The following SGSM1 variants were observed in gnomAD, a reference collection of about 807,000 sequenced individuals.
The protein encoded by SGSM1 is small G protein signaling modulator 1.
In SGSM1, 73 loss-of-function variants were observed where a neutral mutation model predicts 133.8. The observed-to-expected ratio is 0.55, with a 90% CI of 0.45 to 0.66. The LOEUF is 0.66. Among genes scored for constraint, SGSM1 ranks in the 30% least tolerant of loss-of-function variants. The probability of loss-of-function intolerance (pLI) is 0.00; values close to 1 mark genes in which losing one functional copy is unlikely to be tolerated. For missense variants in SGSM1, 1,213 were observed against 1,448.1 expected (o/e 0.84, Z 2.64); for synonymous variants, 563 against 573.0 (o/e 0.98, Z 0.25).
intron 3 of SGSM1, among the ~76,000 whole-genome samples, chr22:24,846,109 G>A (rs1337828508): frequency 6.9e-6 from 1 of 145,572 alleles, no homozygotes; most frequent in African/African-American, 2.6e-5. Context: ...CACAATCACA[G>A]CTCACTGCAG....
chr22:24,900,858 C>T (rs939280630), intron 19 of SGSM1, among the ~76,000 whole-genome samples: 4 of 152,144 alleles, frequency 2.6e-5, no homozygotes, highest in Non-Finnish European at 5.9e-5. Context: ...TGAACATGAG[C>T]TCATATTTCT....
rs73407233 is a variant in SGSM1 at position 24,829,860 on chromosome 22, C to T, written c.64-15037C>T. Among the ~76,000 whole-genome samples the T allele has an allele frequency of 8.4e-3, 1,276 of 152,312 alleles. 17 individuals carry two copies. The highest frequency in any genetic ancestry group is 0.029 in the African/African-American group (1,195 of 41,562). Reference sequence around the variant, plus strand: ...GTTCCTACACACAGGCCACAGTGATCCCAGACCACCACTGCCCCTGGACCA... The same window carrying T: ...GTTCCTACACACAGGCCACAGTGATTCCAGACCACCACTGCCCCTGGACCA... On this transcript the variant is annotated intron_variant, in intron 2 of 24. Transcript: ENST00000400358.
At chr22:24,855,917 CCATCCATCCACCCATCTTTA>C in intron 8 of SGSM1, 1 of 687,582 alleles carries the variant, frequency 1.5e-6, no homozygotes, top group Non-Finnish European at 2.6e-6. Context: ...TCACAACCAT[CCATCCATCCACCCATCTTTA>C]CATCCATCTA....
chr22:24,858,654 A>AAAAAAAAAAAG (rs1268815477), intron 8 of SGSM1, among the ~76,000 whole-genome samples: 3 of 142,720 alleles, frequency 2.1e-5, no homozygotes, highest in Non-Finnish European at 3.0e-5. Flanking sequence ...AAAAAAAAAA[A>AAAAAAAAAAAG]AAGAAGAAAG....
intron 16 of SGSM1, among the ~76,000 whole-genome samples, chr22:24,889,650 A>G (rs916440686): frequency 3.5e-5 from 5 of 144,890 alleles, no homozygotes; most frequent in African/African-American, 7.8e-5. Context: ...CTGGCCTTAA[A>G]TTGATTTTTT....
At chr22:24,853,693 G>A (rs1287654172) in intron 5 of SGSM1, among the ~76,000 whole-genome samples, 3 of 151,048 alleles carry the variant, frequency 2.0e-5, no homozygotes, top group African/African-American at 4.9e-5. Context: ...TGCAAGCTCC[G>A]CCTCCCAGGT....
intron 2 of SGSM1, among the ~76,000 whole-genome samples, chr22:24,808,787 G>A (rs138086961): frequency 2.0e-5 from 3 of 152,284 alleles, no homozygotes; most frequent in East Asian, 3.9e-4. Flanking sequence ...GGTCTGACCC[G>A]TGTCAGTCTA....
intron 21 of SGSM1, among the ~76,000 whole-genome samples, chr22:24,906,830 A>G (rs556831991): frequency 6.6e-6 from 1 of 152,244 alleles, no homozygotes; most frequent in Non-Finnish European, 1.5e-5. Context: ...GCATGCCTCT[A>G]ATTCCAGTTA....
chr22:24,923,139 CAAAAG>C (rs1279355821), intron 24 of SGSM1, among the ~76,000 whole-genome samples: 1 of 141,294 alleles, frequency 7.1e-6, no homozygotes, highest in Non-Finnish European at 1.6e-5. Flanking sequence ...GACCTTGTCT[CAAAAG>C]AAAAAAAAAG....
chr22:24,856,015 A>G (rs989900422), intron 8 of SGSM1: 11 of 406,722 alleles, frequency 2.7e-5, no homozygotes, highest in African/African-American at 1.6e-4. Flanking sequence ...CTTTACATCT[A>G]TCCATCCATC....
chr22:24,856,902 G>A (rs372389727), intron 8 of SGSM1, among the ~76,000 whole-genome samples: 1 of 151,362 alleles, frequency 6.6e-6, no homozygotes, highest in Non-Finnish European at 1.5e-5. Context: ...CCAAGTAACT[G>A]GGACTACAGA....
At chr22:24,856,205 G>T in intron 8 of SGSM1, 1 of 294,100 alleles carries the variant, frequency 3.4e-6, no homozygotes, top group Non-Finnish European at 6.7e-6. Context: ...ATGGTAGCAA[G>T]ATCTTCATTC....
At chr22:24,875,730 A>G (rs149031235) in intron 12 of SGSM1, among the ~76,000 whole-genome samples, 1,758 of 152,306 alleles carry the variant, frequency 0.012, 17 homozygotes, top group African/African-American at 0.04. Context: ...GAAGTTGACT[A>G]TAGAAATGGT....
In SGSM1 at chr22:24,886,731, C is replaced by A. The variant is rs774924781; in HGVS notation, c.1770+3C>A. On this transcript the variant is annotated splice_donor_region_variant and intron_variant, in intron 16 of 24. Transcript: ENST00000400358. Reference sequence around the variant, plus strand: ...TGACGGAAACAGAAAGGAAAGAGGTCGGTTACCTGCCATGGGCACTGGGAT... The same window carrying A: ...TGACGGAAACAGAAAGGAAAGAGGTAGGTTACCTGCCATGGGCACTGGGAT... 2 of 1,581,852 alleles carry A rather than the reference C, an allele frequency of 1.3e-6. No individual in the cohort carries two copies. The highest frequency in any genetic ancestry group is 1.2e-5 in the South Asian group (1 of 86,046).
chr22:24,858,050 C>T (rs182358873), intron 8 of SGSM1, among the ~76,000 whole-genome samples: 1 of 152,314 alleles, frequency 6.6e-6, no homozygotes, highest in Non-Finnish European at 1.5e-5. Context: ...GATCATGGCT[C>T]ACTGCAGCCT....
Position 24,855,603 on chromosome 22 carries a change from C to T in SGSM1, c.724C>T (p.Arg242Cys), listed in dbSNP as rs375907759. The change falls in exon 8 of 25, where the codon CGC becomes TGC. Residue 242 changes from arginine to cysteine, a missense_variant. Transcript: ENST00000400358. ...GGATGACCGGCCATCCCTCTCTGCC[C>T]GCGACTACGTGGAGTCCCTGCATCA... ...SMDDRPSLSA[R>C]DYVESLHQNS... 16 of 1,613,806 alleles carry T rather than the reference C, an allele frequency of 9.9e-6. No individual in the cohort carries two copies. The highest frequency in any genetic ancestry group is 1.3e-5 in the African/African-American group (1 of 74,914).
chr22:24,823,632 T>TA (rs917496973), intron 2 of SGSM1, among the ~76,000 whole-genome samples: 4 of 149,930 alleles, frequency 2.7e-5, no homozygotes, highest in Admixed American at 6.7e-5. Flanking sequence ...AAAATGAATT[T>TA]AAAAAAAAAT....
At chr22:24,830,999 T>C in intron 2 of SGSM1, among the ~76,000 whole-genome samples, 1 of 152,096 alleles carries the variant, frequency 6.6e-6, no homozygotes, top group Admixed American at 6.5e-5. Flanking sequence ...ATCACAGCCC[T>C]GATTAGAGGG....
intron 15 of SGSM1, among the ~76,000 whole-genome samples, chr22:24,884,480 G>A (rs1932497781): frequency 6.6e-6 from 1 of 152,198 alleles, no homozygotes; most frequent in African/African-American, 2.4e-5. Flanking sequence ...AGCTGGGATG[G>A]GCACGGTGGC....
Sources: gnomAD v4.1 joint callset for allele counts (sites outside exome capture counted in the v4.1 genomes callset) on GRCh38, gnomAD v4.1.1 for gene constraint, MANE v1.5 for transcripts, NCBI Gene and HGNC (gene_info 2026-07-23, HGNC 2026-07-21) for gene names.